Variants in COPG2 observed in about 807,000 individuals in gnomAD.
COPG2 encodes coatomer subunit gamma-2.
Under a neutral mutation model 46.3 loss-of-function variants are expected in COPG2, and 37 were observed. That is an observed-to-expected ratio of 0.80 (90% CI 0.61 to 1.05). The LOEUF (loss-of-function observed/expected upper bound fraction) is 1.05, where lower values mean the gene tolerates loss of function less well. Among genes scored for constraint, COPG2 ranks in the 50% least tolerant of loss-of-function variants. COPG2 has a pLI of 0.00. For missense variants in COPG2, 427 were observed against 387.8 expected (o/e 1.10, Z -0.85); for synonymous variants, 159 against 129.7 (o/e 1.23, Z -1.53).
At chr7:130,539,607 G>A (rs1799916671) in intron 20 of COPG2, among the ~76,000 whole-genome samples, 1 of 152,218 alleles carries the variant, frequency 6.6e-6, no homozygotes, top group Non-Finnish European at 1.5e-5. Context: ...AGACAGGCAG[G>A]TACCTTCCCT....
intron 5 of COPG2, among the ~76,000 whole-genome samples, chr7:130,647,407 C>T (rs190387001): frequency 2.0e-5 from 3 of 152,136 alleles, no homozygotes; most frequent in Non-Finnish European, 2.9e-5. Context: ...TCATAACACA[C>T]ATTTCCCACA....
Position 130,506,597 on chromosome 7 carries a change from T to C in COPG2, c.*79A>G. 7 of 561,128 alleles carry C rather than the reference T, an allele frequency of 1.2e-5. No individual in the cohort carries two copies. Among genetic ancestry groups the C allele is most frequent in the Non-Finnish European group, 2.3e-5 (7 of 308,320 alleles). The allele number at this position is 561,128 out of a possible 1,614,324, so 34.8% of individuals were successfully genotyped here. ...AAGTCATTCATCTTCAAAAGTCTGATTCTGGGAAACTGATGCCACTAGCCT... is the reference window on the plus strand; with the variant it reads ...AAGTCATTCATCTTCAAAAGTCTGACTCTGGGAAACTGATGCCACTAGCCT... On this transcript the variant is annotated 3_prime_UTR_variant, in exon 24 of 24. Transcript: ENST00000425248.
In COPG2 at chr7:130,667,467, AC is replaced by A. The variant is rs1438663303; in HGVS notation, c.90+14del. On this transcript the variant is annotated intron_variant, in intron 2 of 23. Transcript: ENST00000425248. ...GAATAGAAAAGAAAGGGCACAAGAT[AC>A]TTCCCAGTCATACCTCCTGTAAAAC... is the stretch of plus-strand genomic sequence containing the variant. 1.4e-5 allele frequency: 23 copies of A among 1,610,014 alleles called. No individual in the cohort carries two copies. The Admixed American group carries it at 3.3e-4, about 23-fold the overall frequency.
At chr7:130,632,091 T>A (rs1298182693) in intron 5 of COPG2, among the ~76,000 whole-genome samples, 3 of 152,218 alleles carry the variant, frequency 2.0e-5, no homozygotes, top group Non-Finnish European at 4.4e-5. Context: ...TCTAGTGTCA[T>A]CTCCCTTCAG....
intron 20 of COPG2, among the ~76,000 whole-genome samples, chr7:130,532,068 G>A (rs998622733): frequency 1.3e-5 from 2 of 152,234 alleles, no homozygotes; most frequent in East Asian, 3.8e-4. Flanking sequence ...GGACACGGGA[G>A]GATGGAGAGC....
At chr7:130,537,060 G>A (rs1799887128) in intron 20 of COPG2, among the ~76,000 whole-genome samples, 1 of 152,138 alleles carries the variant, frequency 6.6e-6, no homozygotes, top group African/African-American at 2.4e-5. Context: ...GGCAGGGCAG[G>A]AGAGTCAGGT....
chr7:130,642,520 T>C (rs1205869781), intron 5 of COPG2, among the ~76,000 whole-genome samples: 1 of 152,190 alleles, frequency 6.6e-6, no homozygotes, highest in Non-Finnish European at 1.5e-5. Context: ...TTTGTGTCTG[T>C]TTTCTTTCCA....
intron 1 of COPG2, 58 bp from the exon 2 acceptor site, chr7:130,667,592 T>C: frequency 7.2e-7 from 1 of 1,392,246 alleles, no homozygotes; most frequent in Non-Finnish European, 1.0e-6. Context: ...CAAACTTATA[T>C]ACTTTCCAGA....
intron 6 of COPG2, among the ~76,000 whole-genome samples, chr7:130,615,117 G>T (rs1303936364): frequency 6.6e-6 from 1 of 152,172 alleles, no homozygotes; most frequent in Admixed American, 6.5e-5. Flanking sequence ...TCATGGATAC[G>T]GTCCTTGGCT....
At chr7:130,525,736 A>G (rs1350286160) in intron 20 of COPG2, among the ~76,000 whole-genome samples, 2 of 152,292 alleles carry the variant, frequency 1.3e-5, no homozygotes, top group Admixed American at 6.5e-5. Flanking sequence ...GGGAGTTTAG[A>G]TCAGTATCAG....
At chr7:130,663,538 A>G (rs1035884667) in intron 3 of COPG2, among the ~76,000 whole-genome samples, 1 of 152,020 alleles carries the variant, frequency 6.6e-6, no homozygotes, top group African/African-American at 2.4e-5. Flanking sequence ...CAGGAACCAG[A>G]TTCATCATAT....
intron 20 of COPG2, among the ~76,000 whole-genome samples, chr7:130,514,550 G>A (rs1482474296): frequency 2.0e-5 from 3 of 152,180 alleles, no homozygotes; most frequent in Non-Finnish European, 4.4e-5. Flanking sequence ...CCATTCAGGA[G>A]GAGACAGAGT....
intron 12 of COPG2, among the ~76,000 whole-genome samples, chr7:130,560,040 G>C (rs1793692434): frequency 6.6e-6 from 1 of 151,948 alleles, no homozygotes; most frequent in Non-Finnish European, 1.5e-5. Flanking sequence ...ACAAAGGAAA[G>C]GCATTTGGAT....
chr7:130,574,443 C>A (rs781799476), intron 9 of COPG2, among the ~76,000 whole-genome samples: 2 of 152,068 alleles, frequency 1.3e-5, no homozygotes, highest in African/African-American at 2.4e-5. Context: ...AGAAGAGAGA[C>A]AACAATCACT....
intron 20 of COPG2, among the ~76,000 whole-genome samples, chr7:130,527,040 T>G (rs894653424): frequency 5.8e-4 from 88 of 151,490 alleles, no homozygotes; most frequent in Middle Eastern, 3.4e-3. Flanking sequence ...CTACTGGGGG[T>G]GATGGATACT....
intron 9 of COPG2, among the ~76,000 whole-genome samples, chr7:130,592,153 G>A (rs1794442825): frequency 6.6e-6 from 1 of 152,132 alleles, no homozygotes; most frequent in African/African-American, 2.4e-5. Context: ...AGGGTTGAAT[G>A]GATTAAGGGT....
At chr7:130,575,025 T>G (rs1462652559) in intron 9 of COPG2, among the ~76,000 whole-genome samples, 1 of 151,982 alleles carries the variant, frequency 6.6e-6, no homozygotes, top group Non-Finnish European at 1.5e-5. Flanking sequence ...TAAGAAAATA[T>G]GAACAAAGAC....
At chr7:130,521,905 A>G (rs1254534784) in intron 20 of COPG2, among the ~76,000 whole-genome samples, 1 of 152,188 alleles carries the variant, frequency 6.6e-6, no homozygotes, top group Non-Finnish European at 1.5e-5. Context: ...TATGCATCAG[A>G]GTAGAATATT....
At chr7:130,662,742 AAC>A (rs1796002443) in intron 4 of COPG2, among the ~76,000 whole-genome samples, 1 of 152,214 alleles carries the variant, frequency 6.6e-6, no homozygotes, top group African/African-American at 2.4e-5. Context: ...GCTAGGTATT[AAC>A]AGTCTTTATG....
Sources: allele counts gnomAD v4.1 joint callset (sites outside exome capture counted in the v4.1 genomes callset), GRCh38; gene constraint gnomAD v4.1.1; transcripts MANE v1.5; gene names NCBI Gene and HGNC (gene_info 2026-07-23, HGNC 2026-07-21).